SVIL: variants seen among roughly 807,000 people sequenced by gnomAD.
SVIL encodes the protein archvillin.
In SVIL, 101 loss-of-function variants were observed where a neutral mutation model predicts 240.4. That is an observed-to-expected ratio of 0.42 (90% CI 0.36 to 0.50). SVIL has a LOEUF of 0.50. SVIL is among the 20% of genes least tolerant of loss of function. The pLI is 0.01. For synonymous variants in SVIL, 999 were observed against 1,100.0 expected (o/e 0.91, Z 1.82); for missense variants, 2,512 against 2,818.7 (o/e 0.89, Z 2.46).
At chr10:29,495,736 C>T (rs1260707767) in intron 18 of SVIL, among the ~76,000 whole-genome samples, 1 of 152,116 alleles carries the variant, frequency 6.6e-6, no homozygotes, top group Non-Finnish European at 1.5e-5. Flanking sequence ...GTCCATCTCC[C>T]GTGTGGGCAG....
chr10:29,535,598 G>A (rs927509802), intron 7 of SVIL, among the ~76,000 whole-genome samples: 2 of 152,210 alleles, frequency 1.3e-5, no homozygotes, highest in African/African-American at 4.8e-5. Context: ...TGGAAGGGCT[G>A]GGAGCAGTGG....
chr10:29,655,974 G>A (rs996535461), intron 3 of SVIL, among the ~76,000 whole-genome samples: 1 of 150,808 alleles, frequency 6.6e-6, no homozygotes, highest in Admixed American at 6.6e-5. Flanking sequence ...CTGTTCAGGT[G>A]CTTCTCCTGC....
rs144916244 is a variant in SVIL, at chr10:29,688,593, G to C, written c.-399-1942C>G. 2.5e-3 allele frequency among the ~76,000 whole-genome samples: 380 copies of C among 152,234 alleles called. 3 individuals carry two copies. Among genetic ancestry groups the C allele is most frequent in the African/African-American group, 7.2e-3 (299 of 41,546 alleles). On this transcript the variant is annotated intron_variant, in intron 1 of 35. Transcript: ENST00000375400. ...TTTGTTTCTTCCTGTTTACAGCAGTGGCAAAAGTCATTTGAGCACTGAAAT... is the reference window on the plus strand; with the variant it reads ...TTTGTTTCTTCCTGTTTACAGCAGTCGCAAAAGTCATTTGAGCACTGAAAT...
intron 13 of SVIL, among the ~76,000 whole-genome samples, chr10:29,526,581 G>C (rs1169419135): frequency 3.3e-5 from 5 of 152,062 alleles, no homozygotes; most frequent in Admixed American, 3.3e-4. Flanking sequence ...GGGATTACAG[G>C]CATGAGCCAC....
At chr10:29,722,478 T>A (rs535350406) in intron 1 of SVIL, among the ~76,000 whole-genome samples, 2 of 152,230 alleles carry the variant, frequency 1.3e-5, no homozygotes, top group South Asian at 2.1e-4. Flanking sequence ...TATACCTCAA[T>A]ACAACTGTTT....
At chr10:29,661,863 A>T (rs1431772244) in intron 2 of SVIL, among the ~76,000 whole-genome samples, 2 of 151,964 alleles carry the variant, frequency 1.3e-5, no homozygotes, top group Non-Finnish European at 2.9e-5. Flanking sequence ...GAGTCTCATT[A>T]TGTTGCTCAG....
intron 1 of SVIL, among the ~76,000 whole-genome samples, chr10:29,580,438 A>G (rs1443508700): frequency 6.6e-6 from 1 of 152,182 alleles, no homozygotes; most frequent in Non-Finnish European, 1.5e-5. Context: ...TGAGGTCAGG[A>G]TAAAATGAGA....
At position 29,727,443 on chromosome 10, in the gene SVIL, A is replaced by T. The variant is rs561417033; in HGVS notation, c.-400+8308T>A. Among the ~76,000 whole-genome samples the T allele has an allele frequency of 1.4e-4, 21 of 152,076 alleles. No individual in the cohort carries two copies. The South Asian group carries it at 4.2e-3, about 30-fold the overall frequency. On this transcript the variant is annotated intron_variant, in intron 1 of 35. Transcript: ENST00000375400. ...CACACCAGCTAATTAAAAAAAAAAA[A>T]TTATAGAGAAATGTTGTCCGGGCTG...
rs191216871 is a variant in SVIL, at chr10:29,632,682, G to A, written c.-201+1738C>T. ...GACTGATGTCCACTGCAAGCTGAGCGCATTAACCAAATTTCACTTGGAAGA... is the reference window on the plus strand; with the variant it reads ...GACTGATGTCCACTGCAAGCTGAGCACATTAACCAAATTTCACTTGGAAGA... On this transcript the variant is annotated intron_variant, in intron 1 of 37. Coordinates refer to ENST00000355867, the MANE Select transcript of SVIL (RefSeq NM_021738.3). 6.9e-4 allele frequency among the ~76,000 whole-genome samples: 105 copies of A among 152,204 alleles called. No individual in the cohort carries two copies. The South Asian group carries it at 0.012, about 17-fold the overall frequency.
chr10:29,695,854 T>A (rs1589529356), intron 1 of SVIL, among the ~76,000 whole-genome samples: 1 of 45,250 alleles, frequency 2.2e-5, no homozygotes, highest in Non-Finnish European at 3.9e-5. Flanking sequence ...CCTCTCCCTC[T>A]CCCTCTCCCG....
chr10:29,690,792 T>C (rs1480018783), intron 1 of SVIL, among the ~76,000 whole-genome samples: 1 of 152,206 alleles, frequency 6.6e-6, no homozygotes, highest in Non-Finnish European at 1.5e-5. Context: ...CTGCATATGG[T>C]TGTTAATCAT....
intron 32 of SVIL, among the ~76,000 whole-genome samples, chr10:29,468,408 C>G (rs1279907320): frequency 6.6e-6 from 1 of 151,900 alleles, no homozygotes; most frequent in African/African-American, 2.4e-5. Flanking sequence ...ACTAATATGG[C>G]TATGAACCTT....
intron 2 of SVIL, among the ~76,000 whole-genome samples, chr10:29,665,353 G>A (rs1038812909): frequency 5.3e-5 from 8 of 151,882 alleles, no homozygotes; most frequent in African/African-American, 1.9e-4. Flanking sequence ...ATCCCATACA[G>A]TTGCAATCCA....
chr10:29,617,811 C>G (rs916128624), intron 1 of SVIL, among the ~76,000 whole-genome samples: 2 of 152,156 alleles, frequency 1.3e-5, no homozygotes, highest in African/African-American at 4.8e-5. Context: ...CAGTGTGGCT[C>G]TCTATGGAAC....
intron 3 of SVIL, among the ~76,000 whole-genome samples, chr10:29,558,029 T>G (rs973033439): frequency 1.3e-5 from 2 of 152,200 alleles, no homozygotes; most frequent in Admixed American, 6.5e-5. Context: ...CCTCATATAT[T>G]TCTAAAGCCC....
At chr10:29,674,167 C>T (rs1960023921) in intron 2 of SVIL, among the ~76,000 whole-genome samples, 1 of 148,168 alleles carries the variant, frequency 6.7e-6, no homozygotes, top group Non-Finnish European at 1.5e-5. Flanking sequence ...CTGATTTCTA[C>T]AAAAAAAAAA....
intron 30 of SVIL, among the ~76,000 whole-genome samples, chr10:29,472,659 T>C (rs943823098): frequency 1.3e-4 from 20 of 152,308 alleles, no homozygotes; most frequent in African/African-American, 4.8e-4. Flanking sequence ...CAGCAGTCCC[T>C]GCCAAGCATG....
chr10:29,535,954 T>C (rs377367437), intron 7 of SVIL, 35 bp downstream of exon 7: 8 of 1,609,980 alleles, frequency 5.0e-6, no homozygotes, highest in South Asian at 2.2e-5. Context: ...GCAACACTCA[T>C]GCACACAAGC....
At chr10:29,612,964 T>A (rs1180610581) in intron 1 of SVIL, among the ~76,000 whole-genome samples, 1 of 151,736 alleles carries the variant, frequency 6.6e-6, no homozygotes, top group Non-Finnish European at 1.5e-5. Flanking sequence ...GATCACAAGG[T>A]CAAGAGATTG....
Sources: allele counts gnomAD v4.1 joint callset (sites outside exome capture counted in the v4.1 genomes callset), GRCh38; gene constraint gnomAD v4.1.1; transcripts MANE v1.5; gene names NCBI Gene and HGNC (gene_info 2026-07-23, HGNC 2026-07-21).